RFX3: variants seen among roughly 807,000 people sequenced by gnomAD.
RFX3 encodes the protein regulatory factor X3.
In RFX3, 14 loss-of-function variants were observed where a neutral mutation model predicts 98.6. That is an observed-to-expected ratio of 0.14 (90% CI 0.09 to 0.22). The LOEUF (loss-of-function observed/expected upper bound fraction) is 0.22, where lower values mean the gene tolerates loss of function less well. RFX3 is among the 10% of genes least tolerant of loss of function. RFX3 has a pLI of 1.00. For missense variants in RFX3, 639 were observed against 926.9 expected (o/e 0.69, Z 4.03); for synonymous variants, 383 against 328.4 (o/e 1.17, Z -1.80).
At chr9:3,443,472 T>C (rs923103896) in intron 1 of RFX3, among the ~76,000 whole-genome samples, 6 of 152,164 alleles carry the variant, frequency 3.9e-5, no homozygotes, top group African/African-American at 1.4e-4. Context: ...TTTCTGTTCC[T>C]GTGTTAGTTT....
At chr9:3,238,015 C>A (rs1819404017) in intron 15 of RFX3, among the ~76,000 whole-genome samples, 1 of 151,434 alleles carries the variant, frequency 6.6e-6, no homozygotes, top group African/African-American at 2.4e-5. Flanking sequence ...ACAAGTTAAA[C>A]TCTTTGAGCC....
intron 1 of RFX3, among the ~76,000 whole-genome samples, chr9:3,461,508 C>T (rs919803779): frequency 3.3e-5 from 5 of 151,950 alleles, no homozygotes; most frequent in African/African-American, 1.2e-4. Flanking sequence ...AATTTAAGAA[C>T]TACTGCATGT....
At chr9:3,525,006 G>A (rs1226974084) in intron 1 of RFX3, among the ~76,000 whole-genome samples, 7 of 151,914 alleles carry the variant, frequency 4.6e-5, no homozygotes, top group African/African-American at 1.7e-4. Context: ...GGGAGAAAGA[G>A]GGGGAGGGAA....
At chr9:3,489,046 AATT>A (rs1850516541) in intron 1 of RFX3, among the ~76,000 whole-genome samples, 1 of 152,176 alleles carries the variant, frequency 6.6e-6, no homozygotes, top group Non-Finnish European at 1.5e-5. Context: ...TTTAAAGATA[AATT>A]ATTAATACTT....
chr9:3,360,716 A>T (rs1047418248), intron 2 of RFX3, among the ~76,000 whole-genome samples: 13 of 152,214 alleles, frequency 8.5e-5, no homozygotes, highest in East Asian at 7.7e-4. Context: ...ATTATTTTTT[A>T]AAAAAGTGAA....
chr9:3,324,077 T>C, intron 4 of RFX3: 1 of 439,924 alleles, frequency 2.3e-6, no homozygotes. Context: ...AGGAGTTTCA[T>C]TTCAGGGACT....
chr9:3,389,038 G>A (rs1196008402), intron 2 of RFX3, among the ~76,000 whole-genome samples: 1 of 152,130 alleles, frequency 6.6e-6, no homozygotes, highest in Non-Finnish European at 1.5e-5. Context: ...CCATGGTCAA[G>A]ATGGCTTAGA....
intron 4 of RFX3, among the ~76,000 whole-genome samples, chr9:3,319,236 G>A (rs1004229069): frequency 6.6e-6 from 1 of 152,146 alleles, no homozygotes; most frequent in Non-Finnish European, 1.5e-5. Context: ...GAAATGCAAG[G>A]GGCCCTTGCC....
At chr9:3,258,552 C>T (rs529406118) in intron 13 of RFX3, among the ~76,000 whole-genome samples, 65 of 152,142 alleles carry the variant, frequency 4.3e-4, no homozygotes, top group African/African-American at 1.5e-3. Flanking sequence ...GCTGATGATA[C>T]TATTCACTGT....
intron 1 of RFX3, among the ~76,000 whole-genome samples, chr9:3,504,193 TTATA>T (rs1307597484): frequency 6.5e-5 from 6 of 92,406 alleles, no homozygotes; most frequent in Admixed American, 2.6e-4. Flanking sequence ...ATATTATATA[TTATA>T]TATATTATAT....
chr9:3,435,802 TAAAAA>T (rs34925429), intron 1 of RFX3, among the ~76,000 whole-genome samples: 2 of 97,622 alleles, frequency 2.0e-5, no homozygotes, highest in East Asian at 5.7e-4. Context: ...ATCTGCATTG[TAAAAA>T]AAAAAAAAAA....
chr9:3,378,555 C>CTTTTT (rs869126415), intron 2 of RFX3, among the ~76,000 whole-genome samples: 13 of 125,080 alleles, frequency 1.0e-4, no homozygotes, highest in African/African-American at 1.8e-4. Context: ...TTTTTTCTTT[C>CTTTTT]TTTTTTTTTT....
rs201689651 is a variant in RFX3 at position 3,257,191 on chromosome 9, A to C, written c.1614T>G (p.Ala538=). 98 of 1,613,808 alleles carry C rather than the reference A, an allele frequency of 6.1e-5. No homozygotes were observed. The highest frequency in any genetic ancestry group is 7.9e-5 in the Non-Finnish European group (93 of 1,179,926). ...TGTCATCACACTGGCACACCCAGGAAGCCTGCTCCTGAGACAGTAACACAG... is the reference window on the plus strand; with the variant it reads ...TGTCATCACACTGGCACACCCAGGACGCCTGCTCCTGAGACAGTAACACAG... ...RVDFANVQEQ[A]SWVCQCDDNM... The change falls in exon 14 of 17, where the codon GCT becomes GCG. Residue 538 remains alanine (A), a synonymous_variant. Transcript: ENST00000617270.
chr9:3,342,385 A>T (rs940164468), intron 3 of RFX3, among the ~76,000 whole-genome samples: 1 of 152,192 alleles, frequency 6.6e-6, no homozygotes, highest in Admixed American at 6.5e-5. Context: ...ATGGTATGAG[A>T]AGTTATGTAC....
At chr9:3,446,463 C>A (rs1044226351) in intron 1 of RFX3, among the ~76,000 whole-genome samples, 1 of 152,036 alleles carries the variant, frequency 6.6e-6, no homozygotes, top group African/African-American at 2.4e-5. Context: ...GTGAACTACT[C>A]TGATGACTTG....
intron 1 of RFX3, among the ~76,000 whole-genome samples, chr9:3,396,112 G>A (rs143550743): frequency 1.4e-3 from 215 of 151,182 alleles, no homozygotes; most frequent in African/African-American, 4.9e-3. Context: ...ATATGTATAC[G>A]TGTGCCATGT....
intron 1 of RFX3, among the ~76,000 whole-genome samples, chr9:3,513,545 T>C (rs1006774772): frequency 2.0e-5 from 3 of 152,186 alleles, no homozygotes; most frequent in Non-Finnish European, 4.4e-5. Flanking sequence ...AATGTACATT[T>C]GGGAAATTCC....
intron 15 of RFX3, among the ~76,000 whole-genome samples, chr9:3,243,308 T>A (rs970698908): frequency 1.5e-5 from 2 of 137,082 alleles, no homozygotes; most frequent in Non-Finnish European, 3.1e-5. Flanking sequence ...ATAAATAAAT[T>A]GTTTCCTTTT....
At chr9:3,367,387 G>C (rs941351578) in intron 2 of RFX3, among the ~76,000 whole-genome samples, 2 of 152,126 alleles carry the variant, frequency 1.3e-5, no homozygotes, top group Non-Finnish European at 2.9e-5. Flanking sequence ...CAATGAGCTT[G>C]GAATGGATCC....
Sources: gnomAD v4.1 joint callset for allele counts (sites outside exome capture counted in the v4.1 genomes callset) on GRCh38, gnomAD v4.1.1 for gene constraint, MANE v1.5 for transcripts, NCBI Gene and HGNC (gene_info 2026-07-23, HGNC 2026-07-21) for gene names.